The following RSL1D1 variants were observed in gnomAD, a reference collection of about 807,000 sequenced individuals.
RSL1D1 encodes the protein ribosomal L1 domain containing 1, also known as ribosomal L1 domain-containing protein 1.
RSL1D1 carries 34 observed loss-of-function variants against 44.6 expected under a neutral mutation model. That is an observed-to-expected ratio of 0.76 (90% confidence interval 0.58 to 1.02). RSL1D1 has a LOEUF of 1.02. Ranked by LOEUF, RSL1D1 falls within the 50% of genes least tolerant of loss-of-function variation. RSL1D1 has a pLI of 0.00. For synonymous variants in RSL1D1, 271 were observed against 207.4 expected (o/e 1.31, Z -2.63); for missense variants, 767 against 568.1 (o/e 1.35, Z -3.56).
At chr16:11,842,027 G>C (rs773717201) in intron 5 of RSL1D1, 27 bp from the exon 6 acceptor site, 1 of 1,520,876 alleles carries the variant, frequency 6.6e-7, no homozygotes, top group East Asian at 2.3e-5. Context: ...TATTAGACAA[G>C]ATTTTAAAAA....
chr16:11,837,860 C>G lies in RSL1D1; in HGVS notation c.1400G>C (p.Ser467Thr). 2 of 1,614,046 alleles carry G rather than the reference C, an allele frequency of 1.2e-6. No homozygotes were observed. Among genetic ancestry groups the G allele is most frequent in the Non-Finnish European group, 1.7e-6 (2 of 1,180,010 alleles). Residue 467 changes from serine to threonine, a missense_variant, in exon 9 of 9, where the codon AGT becomes ACT. Ser to Thr is a moderately conservative substitution (Grantham distance 58). Coordinates refer to ENST00000571133, the MANE Select transcript of RSL1D1 (RefSeq NM_015659.3). ...KPEAKFFTTP[S>T]KSVRKASHTP... is the part of the protein sequence containing the mutation. ...GTGGGAAGCTTTTCTCACAGATTTA[C>G]TAGGAGTGGTGAAAAACTTGGCCTC...
intron 5 of RSL1D1, among the ~76,000 whole-genome samples, chr16:11,844,032 G>A (rs1403139236): frequency 2.0e-5 from 3 of 150,346 alleles, no homozygotes; most frequent in Admixed American, 6.6e-5. Context: ...AAGGAAGTGA[G>A]CCAGAAGGAA....
Position 11,835,411 on chromosome 16 carries a change from G to T in RSL1D1, c.*2376C>A, listed in dbSNP as rs1166448369. 1 of 152,150 alleles carries T rather than the reference G, an allele frequency of 6.6e-6. No homozygotes were observed. The highest frequency in any genetic ancestry group is 1.5e-5 in the Non-Finnish European group (1 of 68,090). The allele number at this position is 152,150 out of a possible 1,614,324, so 9.4% of individuals were successfully genotyped here. On this transcript the variant is annotated 3_prime_UTR_variant, in exon 9 of 9. Transcript: ENST00000571133. ...AAGCCAGGCTGGTCTCAGAACTCCT[G>T]GCCTCAAGTGATCTGCCAGCCTTGG...
At chr16:11,850,038 G>C in intron 2 of RSL1D1, among the ~76,000 whole-genome samples, 1 of 152,120 alleles carries the variant, frequency 6.6e-6, no homozygotes, top group Admixed American at 6.6e-5. Context: ...TGTTGGCCAG[G>C]CTGGTTTTGA....
At chr16:11,849,930 C>T (rs2053825404) in intron 2 of RSL1D1, among the ~76,000 whole-genome samples, 1 of 152,138 alleles carries the variant, frequency 6.6e-6, no homozygotes, top group East Asian at 1.9e-4. Context: ...CCGCTCACTG[C>T]CACTCTCCTG....
chr16:11,838,529 T>C (rs548182883), intron 8 of RSL1D1, among the ~76,000 whole-genome samples: 81 of 151,992 alleles, frequency 5.3e-4, no homozygotes, highest in Non-Finnish European at 9.0e-4. Flanking sequence ...AAGGTACACC[T>C]CAGTATGATG....
At chr16:11,847,598 G>T in intron 3 of RSL1D1, 70 bp downstream of exon 3, 1 of 1,249,566 alleles carries the variant, frequency 8.0e-7, no homozygotes. Context: ...ATATAGCAAT[G>T]TATTTGTGAT....
chr16:11,840,074 TCCATAAG>T, intron 7 of RSL1D1, 89 bp from the exon 8 acceptor site: 2 of 1,531,520 alleles, frequency 1.3e-6, no homozygotes, highest in African/African-American at 2.8e-5. Context: ...GTTTTGATTA[TCCATAAG>T]CCCCTAAATG....
chr16:11,839,592 G>C, intron 8 of RSL1D1, 103 bp downstream of exon 8: 2 of 1,472,994 alleles, frequency 1.4e-6, no homozygotes, highest in Non-Finnish European at 1.8e-6. Flanking sequence ...AGTTCTTTGG[G>C]TTCACTCTAG....
Position 11,846,821 on chromosome 16 carries a change from T to G in RSL1D1, c.407A>C (p.Lys136Thr). Residue 136 changes from lysine to threonine, a missense_variant, in exon 4 of 9, where the codon AAG becomes ACG. Physicochemically the swap from Lys to Thr is moderately conservative, Grantham distance 78. Transcript: ENST00000571133. ...GGCTTCATAGGATTTATATTCCTTCTTTAGAGTTTGGAGGGAGATAATCTA... is the reference window on the plus strand; with the variant it reads ...GGCTTCATAGGATTTATATTCCTTCGTTAGAGTTTGGAGGGAGATAATCTA... ...VSQIISLQTLKKEYKSYEAKL... is the reference protein window; with the variant it reads ...VSQIISLQTLTKEYKSYEAKL... The G allele has an allele frequency of 5.6e-6, 9 of 1,611,206 alleles. No homozygotes were observed. The highest frequency in any genetic ancestry group is 7.6e-6 in the Non-Finnish European group (9 of 1,177,608).
Position 11,834,306 on chromosome 16 carries a change from CAT to C in RSL1D1, c.*3479_*3480del, listed in dbSNP as rs1596434332. On this transcript the variant is annotated 3_prime_UTR_variant, in exon 9 of 9. Coordinates refer to ENST00000571133, the MANE Select transcript of RSL1D1 (RefSeq NM_015659.3). ...CCATTTTTCAGTACAGTACTCATTA[CAT>C]GTGTCAACACTTTATTATAAGATAG... The C allele has an allele frequency of 6.6e-6, 1 of 152,206 alleles. No homozygotes were observed. Among genetic ancestry groups the C allele is most frequent in the Non-Finnish European group, 1.5e-5 (1 of 68,030 alleles). 9.4% of individuals were successfully genotyped at this position (152,206 alleles called of 1,614,324 possible).
chr16:11,850,549 T>C (rs2053830192), intron 1 of RSL1D1, 131 bp from the exon 2 acceptor site: 1 of 830,290 alleles, frequency 1.2e-6, no homozygotes. Context: ...CCAACTTCTA[T>C]TTCAAGGGGT....
rs2053767611 is a variant in RSL1D1, at chr16:11,842,066, A to G, written c.636-66T>C. 9 of 1,101,158 alleles carry G rather than the reference A, an allele frequency of 8.2e-6. No homozygotes were observed. In the East Asian group the frequency reaches 1.2e-4, roughly 15 times the overall value. 68.2% of individuals were successfully genotyped at this position (1,101,158 alleles called of 1,614,324 possible). A position where few individuals can be genotyped will look rare whatever the true frequency, so the allele number is the denominator to read the frequency against. On this transcript the variant is annotated intron_variant, in intron 5 of 8. Transcript: ENST00000571133. ...ATTTTTCAAAATAAACCAGGCAGGT[A>G]TATGAGAAATATAAATACATAATCC...
In RSL1D1 at chr16:11,841,788, T is replaced by C; in HGVS notation, c.762A>G (p.Lys254=). The change falls in exon 7 of 9, where the codon AAA becomes AAG. Residue 254 remains lysine (K), a synonymous_variant. Transcript: ENST00000571133. The stretch of plus-strand genomic sequence containing the variant: ...TGGGAAGTGCAGCCGATTTCTCAGT[T>C]TTCACAAACAGGAGTTTCACGCTCT... ...KWESVKLLFV[K]TEKSAALPIF... is the part of the protein sequence containing the mutation. 6.2e-7 allele frequency: 1 copy of C among 1,614,098 alleles called. No individual in the cohort carries two copies. Among genetic ancestry groups the C allele is most frequent in the Non-Finnish European group, 8.5e-7 (1 of 1,180,000 alleles).
Position 11,840,000 on chromosome 16 carries a change from CATACAA to C in RSL1D1, c.856-21_856-16del, listed in dbSNP as rs755445422. 1.3e-5 allele frequency: 21 copies of C among 1,607,908 alleles called. No individual in the cohort carries two copies. The African/African-American group carries it at 2.7e-4, about 21-fold the overall frequency. On this transcript the variant is annotated splice_polypyrimidine_tract_variant and intron_variant, in intron 7 of 8. Transcript: ENST00000571133. ...CTCCTTGCCTCCTACCAAAAAACAC[CATACAA>C]ACATTTTAGCAGGAACAGTTCTGTT...
intron 5 of RSL1D1, among the ~76,000 whole-genome samples, chr16:11,842,365 AT>A (rs1318498676): frequency 6.6e-6 from 1 of 152,118 alleles, no homozygotes; most frequent in African/African-American, 2.4e-5. Context: ...AAACAAAAAA[AT>A]CCCATTAAAA....
rs769687566 is a variant in RSL1D1, at chr16:11,841,928, T to C, written c.708A>G (p.Gly236=). ...GTACCTCTGGCAATTTTTCTGAAAGTCCTTTGGTGACAGCAACAATGTTTT... is the reference window on the plus strand; with the variant it reads ...GTACCTCTGGCAATTTTTCTGAAAGCCCTTTGGTGACAGCAACAATGTTTT... The part of the protein sequence containing the change: ...IIENIVAVTK[G]LSEKLPEKWE... The change falls in exon 6 of 9, where the codon GGA becomes GGG. Residue 236 remains glycine, a synonymous_variant. Transcript: ENST00000571133. 3.1e-6 allele frequency: 5 copies of C among 1,613,952 alleles called. No individual in the cohort carries two copies. The highest frequency in any genetic ancestry group is 3.4e-6 in the Non-Finnish European group (4 of 1,179,954).
intron 5 of RSL1D1, among the ~76,000 whole-genome samples, chr16:11,845,318 T>A (rs906850774): frequency 3.9e-5 from 6 of 151,948 alleles, no homozygotes; most frequent in African/African-American, 1.2e-4. Context: ...CCAGGTATGG[T>A]GATGTGTGTC....
intron 2 of RSL1D1, among the ~76,000 whole-genome samples, chr16:11,848,130 G>GT: frequency 1.3e-5 from 2 of 152,208 alleles, no homozygotes; most frequent in South Asian, 4.1e-4. Context: ...GTAGGTGCCT[G>GT]TAATCCCAGC....
Sources: allele counts gnomAD v4.1 joint callset (sites outside exome capture counted in the v4.1 genomes callset), GRCh38; gene constraint gnomAD v4.1.1; transcripts MANE v1.5; gene names NCBI Gene and HGNC (gene_info 2026-07-23, HGNC 2026-07-21).